Variants in TMEM232 observed in about 807,000 individuals in gnomAD.
TMEM232 encodes the protein transmembrane protein 232.
Under a neutral mutation model 78.8 loss-of-function variants are expected in TMEM232, and 80 were observed. The ratio of observed to expected loss-of-function variants is 1.01; its 90% confidence interval spans 0.85 to 1.22. The LOEUF (loss-of-function observed/expected upper bound fraction) is 1.22. TMEM232 is among the 50% of genes most tolerant of loss of function. The probability of loss-of-function intolerance (pLI) is 0.00; values close to 1 mark genes in which losing one functional copy is unlikely to be tolerated. For missense variants in TMEM232, 881 were observed against 742.2 expected (o/e 1.19, Z -2.17); for synonymous variants, 297 against 254.3 (o/e 1.17, Z -1.60).
At chr5:110,659,900 A>C (rs1180062105) in intron 2 of TMEM232, among the ~76,000 whole-genome samples, 1 of 152,160 alleles carries the variant, frequency 6.6e-6, no homozygotes, top group Non-Finnish European at 1.5e-5. Context: ...AAAATGGAGA[A>C]TAAAGAGTAA....
At chr5:110,416,188 A>G (rs1053648979), downstream of TMEM232, among the ~76,000 whole-genome samples, 1 of 152,234 alleles carries the variant, frequency 6.6e-6, no homozygotes, top group Non-Finnish European at 1.5e-5. Flanking sequence ...TTTAATAACT[A>G]GAATCAGTAC....
At chr5:110,396,128 G>T (rs1323782386) in intron 3 of TMEM232, among the ~76,000 whole-genome samples, 4 of 152,144 alleles carry the variant, frequency 2.6e-5, no homozygotes, top group Admixed American at 2.0e-4. Context: ...GAAGGCAAAG[G>T]GGAAGCAAGG....
intron 12 of TMEM232, among the ~76,000 whole-genome samples, chr5:110,455,056 C>T (rs888875085): frequency 7.9e-5 from 12 of 151,820 alleles, no homozygotes; most frequent in African/African-American, 2.9e-4. Flanking sequence ...ATGCAATGGG[C>T]AAATTCCTTG....
chr5:110,387,548 AAT>A (rs1373695701), intron 5 of TMEM232, among the ~76,000 whole-genome samples: 1 of 152,148 alleles, frequency 6.6e-6, no homozygotes, highest in Non-Finnish European at 1.5e-5. Context: ...CTTTTTGAAA[AAT>A]GTTTACAGAT....
At chr5:110,445,409 C>T (rs1054981400) in intron 12 of TMEM232, among the ~76,000 whole-genome samples, 12 of 152,172 alleles carry the variant, frequency 7.9e-5, no homozygotes, top group African/African-American at 2.4e-4. Context: ...CCCCACAACC[C>T]CACCAAATTT....
intron 2 of TMEM232, among the ~76,000 whole-genome samples, chr5:110,662,340 C>T (rs189020773): frequency 1.4e-4 from 22 of 152,018 alleles, no homozygotes; most frequent in African/African-American, 5.1e-4. Context: ...AGCAGTAAAA[C>T]TGTATTGAGA....
chr5:110,435,329 T>G (rs908835446), intron 12 of TMEM232, among the ~76,000 whole-genome samples: 1 of 151,744 alleles, frequency 6.6e-6, no homozygotes, highest in Non-Finnish European at 1.5e-5. Context: ...ACTTTTCTAA[T>G]GTTTAAATTT....
At chr5:110,713,512 C>T (rs1421694744) in intron 1 of TMEM232, among the ~76,000 whole-genome samples, 1 of 151,738 alleles carries the variant, frequency 6.6e-6, no homozygotes, top group South Asian at 2.1e-4. Flanking sequence ...TAATATGTGT[C>T]CCATAAATAT....
At chr5:110,580,829 T>C (rs1467970437) in intron 10 of TMEM232, among the ~76,000 whole-genome samples, 1 of 151,500 alleles carries the variant, frequency 6.6e-6, no homozygotes, top group Non-Finnish European at 1.5e-5. Context: ...ATTGAAACTA[T>C]GCTAAATGTT....
At chr5:110,412,648 C>A (rs371035383) in intron 2 of TMEM232, among the ~76,000 whole-genome samples, 119 of 151,952 alleles carry the variant, frequency 7.8e-4, no homozygotes, top group African/African-American at 2.8e-3. Flanking sequence ...AATTTATAAC[C>A]CATCTTTTCC....
intron 1 of TMEM232, among the ~76,000 whole-genome samples, chr5:110,670,236 T>C (rs996751856): frequency 2.0e-5 from 3 of 152,146 alleles, no homozygotes; most frequent in South Asian, 2.1e-4. Context: ...GAAAACCCCA[T>C]TGTCTCAGCC....
chr5:110,422,958 T>G (rs1756832548), intron 13 of TMEM232, among the ~76,000 whole-genome samples: 1 of 152,204 alleles, frequency 6.6e-6, no homozygotes, highest in Admixed American at 6.5e-5. Flanking sequence ...TTTATTCAAC[T>G]TATTCACTCA....
At chr5:110,414,085 T>C (rs912916666) in intron 2 of TMEM232, among the ~76,000 whole-genome samples, 1 of 152,222 alleles carries the variant, frequency 6.6e-6, no homozygotes, top group Non-Finnish European at 1.5e-5. Flanking sequence ...TTGCTACTGA[T>C]AGTTTGGGGA....
chr5:110,712,512 T>C (rs1380712258), intron 1 of TMEM232, among the ~76,000 whole-genome samples: 1 of 152,162 alleles, frequency 6.6e-6, no homozygotes, highest in Non-Finnish European at 1.5e-5. Flanking sequence ...ACATCATTGA[T>C]CATCAGAGAA....
At chr5:110,455,236 A>C (rs1561516400) in intron 12 of TMEM232, among the ~76,000 whole-genome samples, 1 of 152,216 alleles carries the variant, frequency 6.6e-6, no homozygotes, top group Non-Finnish European at 1.5e-5. Flanking sequence ...GAAAGATATA[A>C]TGCCAATTTT....
At chr5:110,493,128 C>G (rs940619271) in intron 12 of TMEM232, among the ~76,000 whole-genome samples, 2 of 151,138 alleles carry the variant, frequency 1.3e-5, no homozygotes, top group African/African-American at 4.9e-5. Flanking sequence ...GAATTAAATC[C>G]CCCCAGCATA....
intron 12 of TMEM232, among the ~76,000 whole-genome samples, chr5:110,426,623 A>AGT (rs1757261760): frequency 6.6e-6 from 1 of 151,974 alleles, no homozygotes; most frequent in Non-Finnish European, 1.5e-5. Context: ...ACCAGGAAAA[A>AGT]TGGAACCCTC....
chr5:110,628,955 T>A (rs1784778360), intron 5 of TMEM232: 1 of 152,086 alleles, frequency 6.6e-6, no homozygotes, highest in Non-Finnish European at 1.5e-5. Context: ...ATTTTGAGAA[T>A]GCATCATTAA....
At chr5:110,643,218 C>A (rs184876445) in intron 2 of TMEM232, among the ~76,000 whole-genome samples, 7 of 151,878 alleles carry the variant, frequency 4.6e-5, no homozygotes, top group Non-Finnish European at 1.0e-4. Context: ...GTTAGAGAAG[C>A]GGATGTGGGG....
Sources: allele counts gnomAD v4.1 joint callset (sites outside exome capture counted in the v4.1 genomes callset), GRCh38; gene constraint gnomAD v4.1.1; transcripts MANE v1.5; gene names NCBI Gene and HGNC (gene_info 2026-07-23, HGNC 2026-07-21).